GLP2R: variants seen among roughly 807,000 people sequenced by gnomAD.
GLP2R encodes glucagon-like peptide 2 receptor.
In GLP2R, 59 loss-of-function variants were observed where a neutral mutation model predicts 68.2. That is an observed-to-expected ratio of 0.87 (90% CI 0.70 to 1.07). GLP2R has a LOEUF of 1.07. Among genes scored for constraint, GLP2R ranks in the 50% least tolerant of loss-of-function variants. GLP2R has a pLI of 0.00. For missense variants in GLP2R, 548 were observed against 677.4 expected, an observed-to-expected ratio of 0.81 and a Z score of 2.12; for synonymous variants, 270 against 265.4, an observed-to-expected ratio of 1.02 and a Z score of -0.17.
At chr17:9,835,932 G>A (rs1331501878) in intron 2 of GLP2R, among the ~76,000 whole-genome samples, 6 of 151,694 alleles carry the variant, frequency 4.0e-5, no homozygotes, top group African/African-American at 1.2e-4. Context: ...CTAGCTACTC[G>A]GGAGGCTGAG....
chr17:9,830,666 A>AT (rs1389395500), intron 1 of GLP2R, among the ~76,000 whole-genome samples: 6 of 152,150 alleles, frequency 3.9e-5, no homozygotes, highest in Non-Finnish European at 4.4e-5. Flanking sequence ...AGATATTTTA[A>AT]TTTTTCAAGG....
chr17:9,850,281 G>A (rs1188877971), intron 4 of GLP2R, among the ~76,000 whole-genome samples: 1 of 152,228 alleles, frequency 6.6e-6, no homozygotes, highest in Non-Finnish European at 1.5e-5. Flanking sequence ...GTAGAGGACA[G>A]TTGAACAAAA....
At chr17:9,871,358 A>T (rs949554831) in intron 10 of GLP2R, among the ~76,000 whole-genome samples, 1 of 152,066 alleles carries the variant, frequency 6.6e-6, no homozygotes, top group African/African-American at 2.4e-5. Context: ...AAAAAAAAAA[A>T]AAAGTTTCTA....
At chr17:9,836,623 A>T (rs1597377351) in intron 3 of GLP2R, 148 bp downstream of exon 3, 1 of 550,302 alleles carries the variant, frequency 1.8e-6, no homozygotes, top group Non-Finnish European at 3.2e-6. Context: ...ATTTTTATGT[A>T]TGTATGTATA....
chr17:9,866,019 C>A (rs1330145757), intron 9 of GLP2R: 3 of 428,194 alleles, frequency 7.0e-6, no homozygotes, highest in Non-Finnish European at 1.4e-5. Context: ...AACCTGCTGC[C>A]CTCCCAATCT....
intron 9 of GLP2R, among the ~76,000 whole-genome samples, chr17:9,867,769 A>G (rs572259154): frequency 1.5e-3 from 224 of 152,294 alleles, no homozygotes; most frequent in African/African-American, 5.2e-3. Flanking sequence ...CCATCTGTTG[A>G]CTTTATGAAA....
chr17:9,879,017 T>A (rs957079349), intron 10 of GLP2R, among the ~76,000 whole-genome samples: 1 of 152,038 alleles, frequency 6.6e-6, no homozygotes, highest in African/African-American at 2.4e-5. Flanking sequence ...ATATGAGTCA[T>A]CTCTGCTAAT....
chr17:9,854,010 A>G lies in GLP2R; in HGVS notation c.505-485A>G, dbSNP rs1183755800. Among the ~76,000 whole-genome samples, 8 of 152,238 alleles carry G rather than the reference A, an allele frequency of 5.3e-5. No individual in the cohort carries two copies. In the East Asian group the frequency reaches 1.5e-3, roughly 29 times the overall value. On this transcript the variant is annotated intron_variant, in intron 4 of 12. Transcript: ENST00000262441. ...TTCACAATCAGGCGACCTGGGACTC[A>G]GAGAAAATATTGCAATGTTTCATTG...
At chr17:9,830,148 G>T (rs995716609) in intron 1 of GLP2R, among the ~76,000 whole-genome samples, 1 of 152,334 alleles carries the variant, frequency 6.6e-6, no homozygotes, top group East Asian at 1.9e-4. Context: ...CTCCTAGACT[G>T]ACAAAATTCA....
At chr17:9,876,069 G>A (rs558469100) in intron 10 of GLP2R, among the ~76,000 whole-genome samples, 109 of 152,232 alleles carry the variant, frequency 7.2e-4, no homozygotes, top group Non-Finnish European at 1.1e-3. Flanking sequence ...TAGAGACGGA[G>A]TTTCTCCATG....
chr17:9,852,191 A>G (rs951079766), intron 4 of GLP2R, among the ~76,000 whole-genome samples: 2 of 151,994 alleles, frequency 1.3e-5, no homozygotes, highest in Admixed American at 6.6e-5. Flanking sequence ...CACATGCATT[A>G]GGTATTTGCT....
At chr17:9,858,737 C>T (rs541761210) in intron 6 of GLP2R, among the ~76,000 whole-genome samples, 5 of 152,236 alleles carry the variant, frequency 3.3e-5, no homozygotes, top group South Asian at 2.1e-4. Flanking sequence ...TCTAACTGTT[C>T]GAATTTATTG....
At chr17:9,869,737 G>A (rs922149560) in intron 9 of GLP2R, among the ~76,000 whole-genome samples, 1 of 152,244 alleles carries the variant, frequency 6.6e-6, no homozygotes, top group Non-Finnish European at 1.5e-5. Context: ...CTAAGAGAGA[G>A]AGAGAGAGAA....
rs563095008 is a variant in GLP2R at position 9,828,632 on chromosome 17, C to T, written c.189+2380C>T. Among the ~76,000 whole-genome samples the T allele has an allele frequency of 7.2e-5, 11 of 152,286 alleles. No homozygotes were observed. The East Asian group carries it at 1.4e-3, about 19-fold the overall frequency. On this transcript the variant is annotated intron_variant, in intron 1 of 12. Transcript: ENST00000262441. ...AAGCTTCAGAGGAGTTAAATGGTTGCGTTCGATGCTGTAGCTCCTGAGCAC... is the reference window on the plus strand; with the variant it reads ...AAGCTTCAGAGGAGTTAAATGGTTGTGTTCGATGCTGTAGCTCCTGAGCAC...
At chr17:9,883,863 T>C (rs6503261) in intron 11 of GLP2R, among the ~76,000 whole-genome samples, 1,826 of 152,302 alleles carry the variant, frequency 0.012, 36 homozygotes, top group African/African-American at 0.042. Context: ...TCAAAGGATG[T>C]CCTTCATGCT....
intron 10 of GLP2R, among the ~76,000 whole-genome samples, chr17:9,874,109 T>C (rs188773437): frequency 6.6e-6 from 1 of 152,270 alleles, no homozygotes; most frequent in East Asian, 1.9e-4. Flanking sequence ...ATATATACAA[T>C]GCCTATTATC....
chr17:9,889,796 G>A lies in GLP2R; in HGVS notation c.*91G>A, dbSNP rs528035816. 44 of 763,324 alleles carry A rather than the reference G, an allele frequency of 5.8e-5. No homozygotes were observed. The East Asian group carries it at 5.9e-4, about 10-fold the overall frequency. The allele number at this position is 763,324 out of a possible 1,614,324, so 47.3% of individuals were successfully genotyped here. A position where few individuals can be genotyped will look rare whatever the true frequency, so the allele number is the denominator to read the frequency against. ...AAGCAGGACACACGTTGCTGGGCAC[G>A]GAATCATTCTCGTTCCATTCACCAT... is the stretch of plus-strand genomic sequence containing the variant. On this transcript the variant is annotated 3_prime_UTR_variant, in exon 13 of 13. Coordinates refer to ENST00000262441, the MANE Select transcript of GLP2R (RefSeq NM_004246.3).
chr17:9,846,827 A>G (rs1338917916), intron 4 of GLP2R, among the ~76,000 whole-genome samples: 1 of 152,244 alleles, frequency 6.6e-6, no homozygotes, highest in Non-Finnish European at 1.5e-5. Context: ...AGATTAAGAC[A>G]CAAAACAAAC....
intron 11 of GLP2R, among the ~76,000 whole-genome samples, chr17:9,886,279 C>A (rs182114820): frequency 6.6e-6 from 1 of 152,208 alleles, no homozygotes; most frequent in African/African-American, 2.4e-5. Context: ...TTTGGAGAGA[C>A]TGCCAAACAG....
Sources: gnomAD v4.1 joint callset for allele counts (sites outside exome capture counted in the v4.1 genomes callset) on GRCh38, gnomAD v4.1.1 for gene constraint, MANE v1.5 for transcripts, NCBI Gene and HGNC (gene_info 2026-07-23, HGNC 2026-07-21) for gene names.